Variants in NUP153 observed in about 807,000 individuals in gnomAD.
The protein encoded by NUP153 is nucleoporin 153.
A neutral mutation model predicts 134.6 loss-of-function variants in NUP153; 27 were observed. The ratio of observed to expected loss-of-function variants is 0.20; its 90% CI spans 0.15 to 0.28. NUP153 has a LOEUF of 0.28. Among genes scored for constraint, NUP153 ranks in the 10% least tolerant of loss-of-function variants. The pLI is 1.00. For synonymous variants in NUP153, 640 were observed against 623.5 expected (o/e 1.03, Z -0.40); for missense variants, 1,821 against 1,731.3 (o/e 1.05, Z -0.92).
At chr6:17,687,144 A>G (rs2113848864) in intron 2 of NUP153, among the ~76,000 whole-genome samples, 1 of 152,302 alleles carries the variant, frequency 6.6e-6, no homozygotes, top group East Asian at 1.9e-4. Context: ...GAGAATAAGA[A>G]ACTCTCCATG....
chr6:17,616,839 TC>T, intron 20 of NUP153, 144 bp from the exon 21 acceptor site: 1 of 708,302 alleles, frequency 1.4e-6, no homozygotes, highest in Non-Finnish European at 2.3e-6. Flanking sequence ...AACCCTTGCC[TC>T]CTGGGTTCAA....
At chr6:17,674,668 G>C (rs1461123024) in intron 5 of NUP153, among the ~76,000 whole-genome samples, 2 of 152,150 alleles carry the variant, frequency 1.3e-5, no homozygotes, top group Non-Finnish European at 2.9e-5. Flanking sequence ...TACTTGGGAG[G>C]CTAAGGCAGG....
chr6:17,648,893 A>G lies in NUP153; in HGVS notation c.1533+270T>C, dbSNP rs1443564138. On this transcript the variant is annotated intron_variant, in intron 12 of 21. Transcript: ENST00000262077. ...ACATTGAGTGCACTCCTACCCAAAA[A>G]GCATCTTACTGGAAACATTATTTGG... Among the ~76,000 whole-genome samples the G allele has an allele frequency of 2.6e-5, 4 of 152,182 alleles. No individual in the cohort carries two copies. The East Asian group carries it at 5.8e-4, about 22-fold the overall frequency.
At chr6:17,645,911 G>A (rs564201813) in intron 14 of NUP153, among the ~76,000 whole-genome samples, 156 bp downstream of exon 14, 7 of 151,992 alleles carry the variant, frequency 4.6e-5, no homozygotes, top group Non-Finnish European at 7.4e-5. Flanking sequence ...AAAAAGCACC[G>A]TCAAAAAGGT....
Position 17,637,372 on chromosome 6 carries a change from T to C in NUP153, c.2245A>G (p.Lys749Glu), listed in dbSNP as rs1426200757. The change falls in exon 16 of 22, where the codon AAA becomes GAA. Residue 749 changes from lysine (K) to glutamate (E), a missense_variant. Transcript: ENST00000262077. The stretch of plus-strand genomic sequence containing the variant: ...GCTCGCTTCACACAAGTTCCAGGTT[T>C]CGGTGTTTCACAGGCTACACATTTT... Reference protein sequence around the residue: ...AIKCVACETPKPGTCVKRALT... With the variant: ...AIKCVACETPEPGTCVKRALT... 1.9e-6 allele frequency: 3 copies of C among 1,614,110 alleles called. No individual in the cohort carries two copies. The highest frequency in any genetic ancestry group is 1.7e-5 in the Admixed American group (1 of 60,006).
chr6:17,647,629 A>G (rs1271577215), intron 13 of NUP153, among the ~76,000 whole-genome samples, 178 bp downstream of exon 13: 1 of 152,376 alleles, frequency 6.6e-6, no homozygotes, highest in Middle Eastern at 3.4e-3. Context: ...ATATGCATAC[A>G]TATGTACATT....
intron 1 of NUP153, among the ~76,000 whole-genome samples, chr6:17,704,897 C>A (rs1348928763): frequency 6.6e-6 from 1 of 152,028 alleles, no homozygotes; most frequent in Non-Finnish European, 1.5e-5. Context: ...GTAGCTGGGA[C>A]TACAGGCGCC....
At chr6:17,622,944 C>T (rs939861579) in intron 20 of NUP153, among the ~76,000 whole-genome samples, 1 of 151,962 alleles carries the variant, frequency 6.6e-6, no homozygotes, top group Non-Finnish European at 1.5e-5. Flanking sequence ...CCCTGGCTAA[C>T]ACGGTGAAAC....
chr6:17,665,934 C>A (rs1767507447), intron 8 of NUP153, among the ~76,000 whole-genome samples: 1 of 151,798 alleles, frequency 6.6e-6, no homozygotes, highest in Admixed American at 6.6e-5. Context: ...AGCAATCTGC[C>A]TGCCTCAACC....
At position 17,696,082 on chromosome 6, in the gene NUP153, C is replaced by T. The variant is rs189017602; in HGVS notation, c.112-7464G>A. Among the ~76,000 whole-genome samples, 433 of 151,854 alleles carry T rather than the reference C, an allele frequency of 2.9e-3. 1 individual carries two copies. Among genetic ancestry groups the T allele is most frequent in the Non-Finnish European group, 4.3e-3 (293 of 67,970 alleles). ...AAATGAAGTTGATGTTCCAGTTGAT[C>T]GTGCCATTGCACTCCAGCCTGGGTG... is the stretch of plus-strand genomic sequence containing the variant. On this transcript the variant is annotated intron_variant, in intron 1 of 21. Transcript: ENST00000262077.
At chr6:17,656,980 A>G (rs1171517500) in intron 11 of NUP153, among the ~76,000 whole-genome samples, 1 of 152,152 alleles carries the variant, frequency 6.6e-6, no homozygotes, top group Non-Finnish European at 1.5e-5. Context: ...GCAAGTGGAG[A>G]GGGCTTTAGC....
At chr6:17,626,239 A>C in intron 18 of NUP153, 75 bp from the exon 19 acceptor site, 1 of 1,104,634 alleles carries the variant, frequency 9.1e-7, no homozygotes, top group Non-Finnish European at 1.3e-6. Context: ...CTACCCTACA[A>C]TTGCTAGAAT....
chr6:17,678,694 A>T (rs1768387735), intron 2 of NUP153, among the ~76,000 whole-genome samples: 1 of 152,196 alleles, frequency 6.6e-6, no homozygotes, highest in African/African-American at 2.4e-5. Context: ...CTGTAGTCCC[A>T]ACACTTTAGG....
In NUP153 at chr6:17,629,768, G is replaced by C. The variant is rs542296355; in HGVS notation, c.2660-229C>G. ...CTGACAAGCCACTTTTCATTTATCAGACTGGCTGCGATAAAGTTTGATAAA... is the reference window on the plus strand; with the variant it reads ...CTGACAAGCCACTTTTCATTTATCACACTGGCTGCGATAAAGTTTGATAAA... On this transcript the variant is annotated intron_variant, in intron 17 of 21. Transcript: ENST00000262077. Among the ~76,000 whole-genome samples, 69 of 152,300 alleles carry C rather than the reference G, an allele frequency of 4.5e-4. 1 individual carries two copies. The highest frequency in any genetic ancestry group is 1.5e-3 in the African/African-American group (62 of 41,562).
chr6:17,651,692 A>G (rs1017921449), intron 11 of NUP153: 2 of 385,784 alleles, frequency 5.2e-6, no homozygotes, highest in African/African-American at 2.1e-5. Context: ...AAATATTTCC[A>G]AAAGTTTTTT....
At chr6:17,671,330 G>T (rs1414220644) in intron 5 of NUP153, among the ~76,000 whole-genome samples, 1 of 152,006 alleles carries the variant, frequency 6.6e-6, no homozygotes, top group Non-Finnish European at 1.5e-5. Context: ...AAGGTACTGG[G>T]AAGTGTTCCC....
In NUP153 at chr6:17,628,619, A is replaced by AAAAAAAAT. The variant is rs1554136718; in HGVS notation, c.3544+35_3544+36insATTTTTTT. 16 of 1,158,998 alleles carry AAAAAAAAT rather than the reference A, an allele frequency of 1.4e-5. No homozygotes were observed. Among genetic ancestry groups the AAAAAAAAT allele is most frequent in the Non-Finnish European group, 1.6e-5 (15 of 916,104 alleles). 71.8% of individuals were successfully genotyped at this position (1,158,998 alleles called of 1,614,324 possible). A position where few individuals can be genotyped will look rare whatever the true frequency, so the allele number is the denominator to read the frequency against. ...GTAAAACGACAACTTGTAAAAAAAA[A>AAAAAAAAT]AATAATAATAATAATAATAAAAAGT... On this transcript the variant is annotated intron_variant, in intron 18 of 21. Transcript: ENST00000262077. The surrounding 1 kb of genome is among the most constrained non-coding windows in gnomAD (Gnocchi z 5.4).
intron 2 of NUP153, among the ~76,000 whole-genome samples, chr6:17,677,505 CA>C: frequency 6.6e-6 from 1 of 152,242 alleles, no homozygotes; most frequent in East Asian, 1.9e-4. Context: ...GACTTTAAAG[CA>C]GCTATCTGGA....
intron 5 of NUP153, among the ~76,000 whole-genome samples, chr6:17,673,795 G>C (rs1233945554): frequency 2.6e-5 from 4 of 152,106 alleles, no homozygotes; most frequent in African/African-American, 2.4e-5. Flanking sequence ...AAACAGTTTG[G>C]CAGTTTATTA....
Sources: allele counts gnomAD v4.1 joint callset (sites outside exome capture counted in the v4.1 genomes callset), GRCh38; gene constraint gnomAD v4.1.1; non-coding constraint Gnocchi (gnomAD v3.1); transcripts MANE v1.5; gene names NCBI Gene and HGNC (gene_info 2026-07-23, HGNC 2026-07-21).